Variants in CDH10 observed in about 807,000 individuals in gnomAD.
The protein encoded by CDH10 is cadherin-10.
CDH10 carries 30 observed loss-of-function variants against 73.1 expected under a neutral mutation model. That is an observed-to-expected ratio of 0.41 (90% CI 0.31 to 0.56). The LOEUF (loss-of-function observed/expected upper bound fraction) is 0.56, where lower values mean the gene tolerates loss of function less well. Ranked by LOEUF, CDH10 falls within the 20% of genes least tolerant of loss-of-function variation. The pLI is 0.27. For synonymous variants in CDH10, 345 were observed against 348.2 expected, an observed-to-expected ratio of 0.99 and a Z score of 0.10; for missense variants, 815 against 973.7, an observed-to-expected ratio of 0.84 and a Z score of 2.17.
chr5:24,547,454 G>A (rs1744385174), intron 2 of CDH10, among the ~76,000 whole-genome samples: 1 of 152,038 alleles, frequency 6.6e-6, no homozygotes, highest in Non-Finnish European at 1.5e-5. Context: ...TTGAAGGTGA[G>A]TATCTGTAAC....
At chr5:24,497,429 A>G (rs922074726) in intron 9 of CDH10, among the ~76,000 whole-genome samples, 2 of 152,122 alleles carry the variant, frequency 1.3e-5, no homozygotes, top group African/African-American at 4.8e-5. Context: ...AGTCATTTAA[A>G]TATTCCAAAT....
chr5:24,636,819 CCT>C lies in CDH10; in HGVS notation c.-124+7773_-124+7774del, dbSNP rs1288388907. 4.6e-5 allele frequency among the ~76,000 whole-genome samples: 7 copies of C among 151,810 alleles called. No homozygotes were observed. The South Asian group carries it at 6.2e-4, about 13-fold the overall frequency. On this transcript the variant is annotated intron_variant, in intron 1 of 11. Coordinates refer to ENST00000264463, the MANE Select transcript of CDH10 (RefSeq NM_006727.5). The stretch of plus-strand genomic sequence containing the variant: ...GCCCTTGCTTTATCCCACATAGTCC[CCT>C]GTGTCTGCAAGATGATAACTGGCTG...
At position 24,515,933 on chromosome 5, in the gene CDH10, G is replaced by A. The variant is rs146121115; in HGVS notation, c.815-4419C>T. Among the ~76,000 whole-genome samples, 569 of 152,196 alleles carry A rather than the reference G, an allele frequency of 3.7e-3. 6 individuals are homozygous for A. Among genetic ancestry groups the A allele is most frequent in the African/African-American group, 0.013 (521 of 41,526 alleles). On this transcript the variant is annotated intron_variant, in intron 5 of 11. Coordinates refer to ENST00000264463, the MANE Select transcript of CDH10 (RefSeq NM_006727.5). ...CCCTGAGCAATCTCTTTCGCCTGCA[G>A]CCATGTAAGATGTCCCTTGCTCTTC...
chr5:24,639,637 C>T (rs1747980292), intron 1 of CDH10, among the ~76,000 whole-genome samples: 1 of 151,728 alleles, frequency 6.6e-6, no homozygotes, highest in Admixed American at 6.6e-5. Flanking sequence ...TAGTTCTTTA[C>T]AACATTTGCT....
intron 8 of CDH10, among the ~76,000 whole-genome samples, 200 bp downstream of exon 8, chr5:24,504,912 T>C (rs1486009427): frequency 6.6e-6 from 1 of 152,052 alleles, no homozygotes; most frequent in African/African-American, 2.4e-5. Context: ...CTTCTACCAA[T>C]ATGTATAGGT....
chr5:24,606,044 T>C (rs1476037587), intron 1 of CDH10, among the ~76,000 whole-genome samples: 3 of 152,172 alleles, frequency 2.0e-5, no homozygotes, highest in Admixed American at 1.3e-4. Context: ...ACAAGAGAGA[T>C]CGGTGATGGT....
chr5:24,490,558 C>T (rs1742015847), intron 11 of CDH10, among the ~76,000 whole-genome samples: 1 of 151,946 alleles, frequency 6.6e-6, no homozygotes, highest in African/African-American at 2.4e-5. Context: ...TTTAAACACA[C>T]AGTGAAAGTG....
At chr5:24,605,793 C>A (rs1746740749) in intron 1 of CDH10, among the ~76,000 whole-genome samples, 1 of 152,082 alleles carries the variant, frequency 6.6e-6, no homozygotes. Context: ...TTATAATCAT[C>A]AATCGGGAAC....
chr5:24,548,164 G>A (rs1053732439), intron 2 of CDH10, among the ~76,000 whole-genome samples: 1 of 151,092 alleles, frequency 6.6e-6, no homozygotes, highest in African/African-American at 2.4e-5. Flanking sequence ...AGCTTGCCCT[G>A]TCACCTAGGC....
intron 5 of CDH10, among the ~76,000 whole-genome samples, chr5:24,516,794 T>G (rs1423092148): frequency 4.0e-5 from 6 of 151,678 alleles, no homozygotes; most frequent in Non-Finnish European, 8.8e-5. Context: ...TCTTATATTT[T>G]TTGCGCCTAA....
chr5:24,494,603 A>T (rs553648996), intron 9 of CDH10, among the ~76,000 whole-genome samples: 356 of 152,162 alleles, frequency 2.3e-3, no homozygotes, highest in Non-Finnish European at 4.3e-3. Flanking sequence ...ATTTTCCCTT[A>T]AAATAAATTT....
rs1554017292 is a variant in CDH10, at chr5:24,509,486, G to A, written c.1256+80C>T. On this transcript the variant is annotated intron_variant, in intron 7 of 11. Transcript: ENST00000264463. ...GAACTCCTGACCTCGTGATCCACCCGCCTCGGCCTCCCAAAGTGCTGGGAT... is the reference window on the plus strand; with the variant it reads ...GAACTCCTGACCTCGTGATCCACCCACCTCGGCCTCCCAAAGTGCTGGGAT... 7.0e-6 allele frequency: 9 copies of A among 1,283,602 alleles called. No homozygotes were observed. The East Asian group carries it at 9.4e-5, about 13-fold the overall frequency. 79.5% of individuals were successfully genotyped at this position (1,283,602 alleles called of 1,614,324 possible).
At chr5:24,523,062 C>T (rs572297503) in intron 5 of CDH10, among the ~76,000 whole-genome samples, 15 of 147,244 alleles carry the variant, frequency 1.0e-4, no homozygotes, top group Middle Eastern at 6.8e-3. Flanking sequence ...TTTAAATATG[C>T]AAAGATAACT....
chr5:24,502,419 G>A (rs1373448037), intron 8 of CDH10, among the ~76,000 whole-genome samples: 1 of 152,132 alleles, frequency 6.6e-6, no homozygotes, highest in African/African-American at 2.4e-5. Flanking sequence ...ATTGTGTCCT[G>A]CTCAGGGCGT....
intron 5 of CDH10, among the ~76,000 whole-genome samples, chr5:24,516,707 G>A (rs775536827): frequency 2.8e-4 from 42 of 151,662 alleles, no homozygotes; most frequent in Non-Finnish European, 5.2e-4. Context: ...GGTTGGCTCT[G>A]GTGCCTTTCA....
chr5:24,511,813 A>G (rs1464669841), intron 5 of CDH10, among the ~76,000 whole-genome samples: 1 of 152,204 alleles, frequency 6.6e-6, no homozygotes, highest in Non-Finnish European at 1.5e-5. Context: ...ATAAAAAGAA[A>G]CGAGTTCATA....
At chr5:24,591,739 T>G (rs1746205446) in intron 2 of CDH10, among the ~76,000 whole-genome samples, 1 of 151,898 alleles carries the variant, frequency 6.6e-6, no homozygotes, top group South Asian at 2.1e-4. Context: ...AGATATGAAG[T>G]ACAGTTCTTG....
intron 11 of CDH10, among the ~76,000 whole-genome samples, chr5:24,490,631 A>G (rs1204335609): frequency 6.6e-6 from 1 of 152,158 alleles, no homozygotes. Context: ...GACATAATTA[A>G]GTCAAATAAA....
chr5:24,537,724 G>A (rs1246539015), intron 2 of CDH10, 50 bp from the exon 3 acceptor site: 2 of 1,188,058 alleles, frequency 1.7e-6, no homozygotes, highest in East Asian at 2.4e-5. Context: ...AAAGGTGCAG[G>A]ATGCTGAAAG....
Sources: gnomAD v4.1 joint callset for allele counts (sites outside exome capture counted in the v4.1 genomes callset) on GRCh38, gnomAD v4.1.1 for gene constraint, MANE v1.5 for transcripts, NCBI Gene and HGNC (gene_info 2026-07-23, HGNC 2026-07-21) for gene names.